The following SUGCT variants were observed in gnomAD, a reference collection of about 807,000 sequenced individuals.
SUGCT encodes succinyl-CoA:glutarate-CoA transferase, also known as succinyl-CoA:glutarate CoA-transferase.
A neutral mutation model predicts 55.0 loss-of-function variants in SUGCT; 41 were observed. The ratio of observed to expected loss-of-function variants is 0.74; its 90% CI spans 0.58 to 0.97. The LOEUF (loss-of-function observed/expected upper bound fraction) is 0.97, where lower values mean the gene tolerates loss of function less well. Ranked by LOEUF, SUGCT falls within the 50% of genes least tolerant of loss-of-function variation. SUGCT has a pLI of 0.00. For synonymous variants in SUGCT, 187 were observed against 200.4 expected, an observed-to-expected ratio of 0.93 and a Z score of 0.56; for missense variants, 568 against 547.8, an observed-to-expected ratio of 1.04 and a Z score of -0.37.
chr7:40,587,109 A>G (rs1797420642), intron 12 of SUGCT, among the ~76,000 whole-genome samples: 1 of 152,238 alleles, frequency 6.6e-6, no homozygotes, highest in South Asian at 2.1e-4. Flanking sequence ...GACAGAAAAC[A>G]GGCTCAGGAG....
the SUGCT span, among the ~76,000 whole-genome samples, chr7:40,939,628 C>T: frequency 6.6e-6 from 1 of 152,078 alleles, no homozygotes; most frequent in Non-Finnish European, 1.5e-5. Context: ...TTGCATGTCC[C>T]TGATGATTAG....
At chr7:40,690,920 G>A (rs1257941335) in intron 12 of SUGCT, among the ~76,000 whole-genome samples, 5 of 152,088 alleles carry the variant, frequency 3.3e-5, no homozygotes, top group African/African-American at 1.2e-4. Context: ...GGACCTAAAG[G>A]TTGTAACTAG....
chr7:40,582,220 G>A (rs1482020843), intron 12 of SUGCT, among the ~76,000 whole-genome samples: 1 of 152,034 alleles, frequency 6.6e-6, no homozygotes, highest in African/African-American at 2.4e-5. Flanking sequence ...AGCTAAAATA[G>A]AGTCTGAATG....
At chr7:40,313,070 C>T (rs1414853811) in intron 8 of SUGCT, among the ~76,000 whole-genome samples, 2 of 152,102 alleles carry the variant, frequency 1.3e-5, no homozygotes, top group African/African-American at 2.4e-5. Flanking sequence ...CTTTGAGATC[C>T]ATTTTGACCA....
chr7:40,452,971 A>AACC (rs1190295655), intron 10 of SUGCT, among the ~76,000 whole-genome samples: 1 of 152,194 alleles, frequency 6.6e-6, no homozygotes, highest in African/African-American at 2.4e-5. Context: ...CAGTCAACTT[A>AACC]ACCAGCTTTT....
At chr7:40,295,213 G>C (rs1245366643) in intron 8 of SUGCT, among the ~76,000 whole-genome samples, 1 of 150,280 alleles carries the variant, frequency 6.7e-6, no homozygotes, top group African/African-American at 2.4e-5. Context: ...TTTTTTTTTT[G>C]CATTTCCACT....
chr7:40,206,826 T>C (rs1198289181), intron 6 of SUGCT, among the ~76,000 whole-genome samples: 1 of 152,212 alleles, frequency 6.6e-6, no homozygotes, highest in Non-Finnish European at 1.5e-5. Flanking sequence ...TTTTTCCTAA[T>C]ATTTTCAATT....
chr7:40,763,007 G>T (rs1788610433), intron 13 of SUGCT, among the ~76,000 whole-genome samples: 1 of 151,866 alleles, frequency 6.6e-6, no homozygotes, highest in Non-Finnish European at 1.5e-5. Context: ...AGTAGAGATG[G>T]GGTTTCACCA....
chr7:40,813,606 GT>G (rs1230027948), intron 13 of SUGCT, among the ~76,000 whole-genome samples: 1 of 152,058 alleles, frequency 6.6e-6, no homozygotes, highest in Non-Finnish European at 1.5e-5. Context: ...CTATGGGTGT[GT>G]AAGATAGCCT....
intron 12 of SUGCT, among the ~76,000 whole-genome samples, chr7:40,692,757 A>G (rs898084580): frequency 3.3e-5 from 5 of 152,136 alleles, no homozygotes; most frequent in African/African-American, 1.2e-4. Flanking sequence ...CTCAGCAAGA[A>G]CCTGCTAGGC....
At chr7:40,351,052 G>T (rs1163406587) in intron 9 of SUGCT, among the ~76,000 whole-genome samples, 3 of 151,956 alleles carry the variant, frequency 2.0e-5, no homozygotes, top group Admixed American at 2.0e-4. Flanking sequence ...GGGCATTTGG[G>T]TTGGTTCTTA....
chr7:40,958,123 C>T, the SUGCT span, among the ~76,000 whole-genome samples: 4 of 152,212 alleles, frequency 2.6e-5, no homozygotes, highest in East Asian at 7.7e-4. Flanking sequence ...CTTGGTGAAT[C>T]TGACCATTAT....
At chr7:40,415,090 A>ATCTATCTG (rs1562760238) in intron 9 of SUGCT, among the ~76,000 whole-genome samples, 11 of 143,632 alleles carry the variant, frequency 7.7e-5, no homozygotes, top group Non-Finnish European at 1.5e-4. Context: ...CTATCTATCT[A>ATCTATCTG]TCTATCTATC....
At chr7:40,742,314 TTTA>T (rs1562974760) in intron 12 of SUGCT, among the ~76,000 whole-genome samples, 2 of 152,238 alleles carry the variant, frequency 1.3e-5, no homozygotes, top group South Asian at 4.1e-4. Flanking sequence ...AAAGTCAGCT[TTTA>T]CATGTGATCT....
At chr7:40,915,651 G>A in the SUGCT span, among the ~76,000 whole-genome samples, 48,969 of 149,828 alleles carry the variant, frequency 0.33, 8,816 homozygotes, top group Admixed American at 0.44. Flanking sequence ...TCTCTCAGAG[G>A]GAAGAGCAGG....
intron 9 of SUGCT, among the ~76,000 whole-genome samples, chr7:40,337,231 T>A (rs1796763978): frequency 6.6e-6 from 1 of 152,230 alleles, no homozygotes; most frequent in South Asian, 2.1e-4. Context: ...TCTGCTGATT[T>A]GGGATGGAGA....
At chr7:40,530,460 T>G (rs1794024394) in intron 12 of SUGCT, among the ~76,000 whole-genome samples, 1 of 152,192 alleles carries the variant, frequency 6.6e-6, no homozygotes, top group African/African-American at 2.4e-5. Context: ...ACACTGAAAC[T>G]TGAGAAGAGC....
At chr7:40,455,620 CTTA>C (rs1433840175) in intron 10 of SUGCT, among the ~76,000 whole-genome samples, 8 of 152,154 alleles carry the variant, frequency 5.3e-5, no homozygotes, top group Admixed American at 1.3e-4. Flanking sequence ...TGTGCAAATA[CTTA>C]TTTAACATTT....
At chr7:40,179,782 G>C (rs1584267267) in intron 1 of SUGCT, among the ~76,000 whole-genome samples, 1 of 152,324 alleles carries the variant, frequency 6.6e-6, no homozygotes, top group East Asian at 1.9e-4. Flanking sequence ...GAAGATGGAA[G>C]TGGTCCAAAA....
Sources: allele counts gnomAD v4.1 joint callset (sites outside exome capture counted in the v4.1 genomes callset), GRCh38; gene constraint gnomAD v4.1.1; transcripts MANE v1.5; gene names NCBI Gene and HGNC (gene_info 2026-07-23, HGNC 2026-07-21).